The following CEP83 variants were observed in gnomAD, a reference collection of about 807,000 sequenced individuals.
CEP83 encodes centrosomal protein of 83 kDa.
Under a neutral mutation model 101.9 loss-of-function variants are expected in CEP83, and 70 were observed. The ratio of observed to expected loss-of-function variants is 0.69; its 90% confidence interval spans 0.57 to 0.84. CEP83 has a LOEUF of 0.84. CEP83 is among the 40% of genes least tolerant of loss of function. The probability of loss-of-function intolerance (pLI) is 0.00; values close to 1 mark genes in which losing one functional copy is unlikely to be tolerated. For synonymous variants in CEP83, 264 were observed against 267.9 expected (o/e 0.99, Z 0.14); for missense variants, 715 against 787.2 (o/e 0.91, Z 1.10).
chr12:94,320,411 C>T (rs1171899959), intron 14 of CEP83, among the ~76,000 whole-genome samples: 1 of 151,342 alleles, frequency 6.6e-6, no homozygotes, highest in African/African-American at 2.4e-5. Context: ...ATTAGGCTGG[C>T]TTGTGTGGTT....
intron 15 of CEP83, 121 bp from the exon 16 acceptor site, chr12:94,310,228 G>A (rs1294807271): frequency 2.6e-6 from 1 of 379,560 alleles, no homozygotes; most frequent in African/African-American, 2.1e-5. Flanking sequence ...ATAATATATA[G>A]ATAAAAAATC....
At chr12:94,342,439 C>T (rs537263310) in intron 11 of CEP83, among the ~76,000 whole-genome samples, 1 of 152,004 alleles carries the variant, frequency 6.6e-6, no homozygotes, top group East Asian at 1.9e-4. Flanking sequence ...AAAACCATAC[C>T]CTTAGCATAA....
intron 11 of CEP83, among the ~76,000 whole-genome samples, chr12:94,357,188 G>A (rs1316319047): frequency 6.6e-6 from 1 of 152,052 alleles, no homozygotes; most frequent in East Asian, 1.9e-4. Flanking sequence ...ACCTATCAGA[G>A]GGAAAACACA....
chr12:94,285,731 A>G, the CEP83 span, among the ~76,000 whole-genome samples: 1 of 152,140 alleles, frequency 6.6e-6, no homozygotes, highest in Admixed American at 6.5e-5. Flanking sequence ...AGTGCTTATC[A>G]TGGCATCAGT....
intron 2 of CEP83, chr12:94,424,209 T>TG: frequency 1.9e-6 from 3 of 1,610,404 alleles, no homozygotes; most frequent in Non-Finnish European, 2.5e-6. Context: ...AGAGCTGTGG[T>TG]GGGGTCATAG....
intron 14 of CEP83, among the ~76,000 whole-genome samples, chr12:94,316,730 C>G (rs1428814469): frequency 6.6e-6 from 1 of 152,136 alleles, no homozygotes; most frequent in East Asian, 1.9e-4. Flanking sequence ...CTTGCTCCAT[C>G]CATGTACCTG....
intron 14 of CEP83, among the ~76,000 whole-genome samples, chr12:94,330,276 GCACACACA>G (rs143826389): frequency 1.3e-5 from 2 of 149,316 alleles, no homozygotes; most frequent in African/African-American, 4.9e-5. Context: ...CATATAACAC[GCACACACA>G]CACACACACA....
At chr12:94,412,150 T>A (rs887015105) in intron 3 of CEP83, among the ~76,000 whole-genome samples, 168 bp downstream of exon 3, 1 of 152,192 alleles carries the variant, frequency 6.6e-6, no homozygotes, top group Non-Finnish European at 1.5e-5. Context: ...TCATACTTAG[T>A]TTGGAACAAA....
intron 11 of CEP83, among the ~76,000 whole-genome samples, chr12:94,338,417 A>G (rs1031012265): frequency 3.9e-5 from 6 of 152,036 alleles, no homozygotes; most frequent in African/African-American, 1.5e-4. Context: ...ACCATACTCA[A>G]ACAATGAACT....
chr12:94,304,240 ATC>A, downstream of CEP83: 1 of 493,274 alleles, frequency 2.0e-6, no homozygotes, highest in Non-Finnish European at 3.6e-6. Flanking sequence ...TTACAGTTTT[ATC>A]ATGCTGCCCA....
intron 14 of CEP83, among the ~76,000 whole-genome samples, chr12:94,325,031 C>G (rs189885958): frequency 1.3e-5 from 2 of 152,280 alleles, no homozygotes; most frequent in African/African-American, 4.8e-5. Context: ...CTTGCTATTC[C>G]CTCTGGAACA....
In CEP83 at chr12:94,310,066, CT is replaced by C; in HGVS notation, c.1852del (p.Arg618AspfsTer2). ...PFEDYTRLQK[R>X]LKDIQRRHNE... ...ATGTCTTCTCTGTATATCTTTTAGTCTTTTTTGAAGCCTTGTATAGTCTTCA... is the reference window on the plus strand; with the variant it reads ...ATGTCTTCTCTGTATATCTTTTAGTCTTTTTGAAGCCTTGTATAGTCTTCA... On this transcript the variant is annotated frameshift_variant, in exon 16 of 17. Coordinates refer to ENST00000397809, the MANE Select transcript of CEP83 (RefSeq NM_016122.3). LOFTEE classifies it high-confidence loss of function. The C allele has an allele frequency of 6.2e-7, 1 of 1,603,746 alleles. No homozygotes were observed. Among genetic ancestry groups the C allele is most frequent in the South Asian group, 1.1e-5 (1 of 90,552 alleles).
Position 94,408,964 on chromosome 12 carries a change from G to A in CEP83, c.324+2733C>T, listed in dbSNP as rs147819083. ...ATTATCATTACCATTCACTACTGAT[G>A]CAGAAATGTTCTTTAAATGAATATC... On this transcript the variant is annotated intron_variant, in intron 4 of 16. Transcript: ENST00000397809. Among the ~76,000 whole-genome samples the A allele has an allele frequency of 1.7e-3, 254 of 152,036 alleles. 1 individual carries two copies. Among genetic ancestry groups the A allele is most frequent in the Middle Eastern group, 6.8e-3 (2 of 294 alleles).
At chr12:94,403,015 A>G in intron 5 of CEP83, 155 bp downstream of exon 5, 1 of 455,654 alleles carries the variant, frequency 2.2e-6, no homozygotes, top group South Asian at 5.3e-5. Context: ...TCAGAGAGGT[A>G]ATGGGAGTTC....
At chr12:94,305,162 CTG>C (rs1293465303), downstream of CEP83, 1 of 1,497,312 alleles carries the variant, frequency 6.7e-7, no homozygotes, top group Admixed American at 1.7e-5. Context: ...TCTAAAATAA[CTG>C]TTCTAATTGT....
At position 94,307,897 on chromosome 12, in the gene CEP83, C is replaced by G. The variant is rs1029093163; in HGVS notation, c.*916G>C. On this transcript the variant is annotated 3_prime_UTR_variant, in exon 17 of 17. Transcript: ENST00000397809. ...AACTGGGACTTTTGACTATGAACAC[C>G]TTGGGATAATGAACATTCCACTTAA... 2.6e-5 allele frequency: 4 copies of G among 152,100 alleles called. No homozygotes were observed. Among genetic ancestry groups the G allele is most frequent in the African/African-American group, 9.7e-5 (4 of 41,416 alleles). The allele number at this position is 152,100 out of a possible 1,614,324, so 9.4% of individuals were successfully genotyped here.
chr12:94,305,672 G>A (rs1335898059), downstream of CEP83: 1 of 157,432 alleles, frequency 6.4e-6, no homozygotes, highest in Non-Finnish European at 1.4e-5. Flanking sequence ...CATTGTAAAG[G>A]GATACTGCCA....
intron 14 of CEP83, among the ~76,000 whole-genome samples, chr12:94,325,361 T>C (rs1413757932): frequency 6.6e-6 from 1 of 152,102 alleles, no homozygotes; most frequent in Non-Finnish European, 1.5e-5. Context: ...TTAGTAGAGA[T>C]GGGGTTTCCC....
At position 94,390,126 on chromosome 12, in the gene CEP83, A is replaced by G. The variant is rs200270458; in HGVS notation, c.549+10724T>C. On this transcript the variant is annotated intron_variant, in intron 6 of 16. Transcript: ENST00000397809. The stretch of plus-strand genomic sequence containing the variant: ...TGAAGAGAGCAGTGGTTCTCCCAGC[A>G]TAGCATTTGAGCTCTGAGAATGGAC... 5.3e-5 allele frequency among the ~76,000 whole-genome samples: 8 copies of G among 152,342 alleles called. No homozygotes were observed. In the East Asian group the frequency reaches 1.5e-3, roughly 29 times the overall value.
Sources: allele counts gnomAD v4.1 joint callset (sites outside exome capture counted in the v4.1 genomes callset), GRCh38; gene constraint gnomAD v4.1.1; transcripts MANE v1.5; gene names NCBI Gene and HGNC (gene_info 2026-07-23, HGNC 2026-07-21).